The following KIAA1549L variants were observed in gnomAD, a reference collection of about 807,000 sequenced individuals.
KIAA1549L encodes the protein KIAA1549 like.
A neutral mutation model predicts 160.7 loss-of-function variants in KIAA1549L; 88 were observed. The ratio of observed to expected loss-of-function variants is 0.55; its 90% CI spans 0.46 to 0.65. The LOEUF (loss-of-function observed/expected upper bound fraction) is 0.65, where lower values mean the gene tolerates loss of function less well. KIAA1549L is among the 30% of genes least tolerant of loss of function. KIAA1549L has a pLI of 0.00. For synonymous variants in KIAA1549L, 950 were observed against 976.7 expected (o/e 0.97, Z 0.51); for missense variants, 2,258 against 2,437.5 (o/e 0.93, Z 1.55).
At chr11:33,588,946 A>G (rs906946667) in intron 11 of KIAA1549L, among the ~76,000 whole-genome samples, 2 of 152,226 alleles carry the variant, frequency 1.3e-5, no homozygotes, top group Non-Finnish European at 1.5e-5. Flanking sequence ...ATAAAACTCC[A>G]TCCTGTTCTG....
intron 18 of KIAA1549L, among the ~76,000 whole-genome samples, chr11:33,657,712 G>A (rs1292281506): frequency 1.3e-5 from 2 of 152,172 alleles, no homozygotes; most frequent in African/African-American, 2.4e-5. Context: ...TGGGAGAATC[G>A]CTTGAACCCA....
At chr11:33,443,615 A>G (rs1851552746) in intron 1 of KIAA1549L, among the ~76,000 whole-genome samples, 1 of 152,058 alleles carries the variant, frequency 6.6e-6, no homozygotes, top group African/African-American at 2.4e-5. Flanking sequence ...CCCCAAATAG[A>G]TTTTAACTCA....
intron 1 of KIAA1549L, among the ~76,000 whole-genome samples, chr11:33,474,065 C>A (rs904817531): frequency 1.2e-4 from 19 of 152,090 alleles, no homozygotes; most frequent in African/African-American, 3.9e-4. Flanking sequence ...GAGAAGGTGG[C>A]AGGCTCTTTA....
chr11:33,501,241 A>G (rs1404171590), intron 1 of KIAA1549L, among the ~76,000 whole-genome samples: 3 of 152,228 alleles, frequency 2.0e-5, no homozygotes, highest in African/African-American at 7.2e-5. Context: ...AAATACAGAC[A>G]TCCTTTGTCA....
At chr11:33,613,338 C>T (rs1201056002) in intron 15 of KIAA1549L, among the ~76,000 whole-genome samples, 2 of 152,116 alleles carry the variant, frequency 1.3e-5, no homozygotes, top group African/African-American at 2.4e-5. Context: ...TTTTGATTTG[C>T]GTTTCTCTTG....
At position 33,514,364 on chromosome 11, in the gene KIAA1549L, A is replaced by G. The variant is rs550198288; in HGVS notation, c.239-27438A>G. On this transcript the variant is annotated intron_variant, in intron 1 of 20. Coordinates refer to ENST00000658780, the MANE Select transcript of KIAA1549L (RefSeq NM_012194.3). The stretch of plus-strand genomic sequence containing the variant: ...TGTTGGGGGAACCACGGACTGATCA[A>G]CCCTTTGCAAACCACATTCTTTTTT... Among the ~76,000 whole-genome samples the G allele has an allele frequency of 8.5e-5, 13 of 152,288 alleles. No homozygotes were observed. In the South Asian group the frequency reaches 1.9e-3, roughly 22 times the overall value.
At chr11:33,462,701 C>T (rs1851964284) in intron 1 of KIAA1549L, among the ~76,000 whole-genome samples, 1 of 152,062 alleles carries the variant, frequency 6.6e-6, no homozygotes, top group Non-Finnish European at 1.5e-5. Flanking sequence ...TTCTTAACTT[C>T]CCTGTTTTCC....
chr11:33,460,380 G>A (rs1392334581), intron 1 of KIAA1549L, among the ~76,000 whole-genome samples: 1 of 152,222 alleles, frequency 6.6e-6, no homozygotes, highest in East Asian at 1.9e-4. Flanking sequence ...CAATAGTGCA[G>A]CCCAAGTCTG....
chr11:33,441,173 T>G (rs2132946114), intron 1 of KIAA1549L, among the ~76,000 whole-genome samples: 1 of 151,762 alleles, frequency 6.6e-6, no homozygotes, highest in African/African-American at 2.4e-5. Flanking sequence ...ATGCGGTGCT[T>G]GGTTTTTTGT....
chr11:33,589,754 C>T (rs893901330), intron 11 of KIAA1549L, among the ~76,000 whole-genome samples: 2 of 151,664 alleles, frequency 1.3e-5, no homozygotes, highest in South Asian at 4.2e-4. Context: ...CACACCAGGG[C>T]CTGTTGTGGG....
intron 15 of KIAA1549L, among the ~76,000 whole-genome samples, chr11:33,616,800 C>T (rs868393446): frequency 3.3e-5 from 5 of 152,254 alleles, no homozygotes; most frequent in Middle Eastern, 3.4e-3. Context: ...ACAGTCTCTT[C>T]ACCTTCAACC....
At chr11:33,404,810 G>A (rs550186576) in intron 1 of KIAA1549L, among the ~76,000 whole-genome samples, 1 of 151,998 alleles carries the variant, frequency 6.6e-6, no homozygotes, top group African/African-American at 2.4e-5. Context: ...AGGAGTTTGA[G>A]ACCAGCCTGG....
intron 1 of KIAA1549L, among the ~76,000 whole-genome samples, chr11:33,410,055 AT>A (rs890097504): frequency 7.3e-5 from 11 of 150,772 alleles, no homozygotes; most frequent in Non-Finnish European, 1.0e-4. Flanking sequence ...TGTCTGCTGT[AT>A]TTTTTTTTCT....
intron 1 of KIAA1549L, among the ~76,000 whole-genome samples, chr11:33,423,619 T>G (rs1851061976): frequency 6.6e-6 from 1 of 152,322 alleles, no homozygotes; most frequent in African/African-American, 2.4e-5. Context: ...TGAACAAACT[T>G]TCTACTCAAT....
At chr11:33,571,611 G>A (rs552838004) in intron 9 of KIAA1549L, among the ~76,000 whole-genome samples, 1 of 152,088 alleles carries the variant, frequency 6.6e-6, no homozygotes, top group African/African-American at 2.4e-5. Context: ...AAGAAAGAGG[G>A]TGGGGGGAGG....
Position 33,542,266 on chromosome 11 carries a change from C to T in KIAA1549L, c.703C>T (p.Pro235Ser). 1 of 654,990 alleles carries T rather than the reference C, an allele frequency of 1.5e-6. No homozygotes were observed. Among genetic ancestry groups the T allele is most frequent in the East Asian group, 2.7e-5 (1 of 36,452 alleles). 40.6% of individuals were successfully genotyped at this position (654,990 alleles called of 1,614,324 possible). A position where few individuals can be genotyped will look rare whatever the true frequency, so the allele number is the denominator to read the frequency against. ...AGTSSISKHP[P>S]RSDIPPLLPL... is the part of the protein sequence containing the mutation. ...GACTTCCTCCATTTCAAAGCATCCC[C>T]CAAGGTCAGACATTCCCCCACTCCT... Residue 235 changes from proline (P) to serine (S), a missense_variant, in exon 2 of 21, where the codon CCA becomes TCA. By Grantham distance (74) the Pro-to-Ser change is moderately conservative. Around this residue, in one of 6 missense-constraint regions of KIAA1549L, gnomAD observed 540 missense variants for 465.7 expected, o/e 1.16. Coordinates refer to ENST00000658780, the MANE Select transcript of KIAA1549L (RefSeq NM_012194.3).
intron 17 of KIAA1549L, among the ~76,000 whole-genome samples, chr11:33,649,038 A>C (rs112106638): frequency 2.8e-4 from 43 of 152,324 alleles, no homozygotes; most frequent in African/African-American, 1.0e-3. Context: ...TGAAGCTTGG[A>C]GAAGTAAAGA....
At chr11:33,471,734 T>C (rs1351840626) in intron 1 of KIAA1549L, among the ~76,000 whole-genome samples, 4 of 152,206 alleles carry the variant, frequency 2.6e-5, no homozygotes, top group East Asian at 1.9e-4. Flanking sequence ...ACATGTTGAC[T>C]CACAGCAAAA....
chr11:33,656,374 T>G (rs1347248938), intron 18 of KIAA1549L, among the ~76,000 whole-genome samples: 1 of 152,144 alleles, frequency 6.6e-6, no homozygotes, highest in African/African-American at 2.4e-5. Context: ...CTGGAAAGCC[T>G]CAGACCGTGA....
Sources: gnomAD v4.1 joint callset for allele counts (sites outside exome capture counted in the v4.1 genomes callset) on GRCh38, gnomAD v4.1.1 for gene constraint, gnomAD v4.1.1 regional missense constraint, MANE v1.5 for transcripts, NCBI Gene and HGNC (gene_info 2026-07-23, HGNC 2026-07-21) for gene names.